PRDM6: variants seen among roughly 807,000 people sequenced by gnomAD.
PRDM6 encodes the protein putative histone-lysine N-methyltransferase PRDM6.
Under a neutral mutation model 60.8 loss-of-function variants are expected in PRDM6, and 25 were observed. The ratio of observed to expected loss-of-function variants is 0.41; its 90% CI spans 0.30 to 0.57. The LOEUF is 0.57. Ranked by LOEUF, PRDM6 falls within the 20% of genes least tolerant of loss-of-function variation. The pLI, the probability that PRDM6 is intolerant of heterozygous loss-of-function variation, is 0.27. For synonymous variants in PRDM6, 407 were observed against 357.4 expected, an observed-to-expected ratio of 1.14 and a Z score of -1.57; for missense variants, 839 against 821.3, an observed-to-expected ratio of 1.02 and a Z score of -0.26.
chr5:123,145,694 G>A lies in PRDM6; in HGVS notation c.901-10190G>A, dbSNP rs144902542. Among the ~76,000 whole-genome samples the A allele has an allele frequency of 2.2e-3, 330 of 151,952 alleles. 1 individual carries two copies. Among genetic ancestry groups the A allele is most frequent in the African/African-American group, 7.5e-3 (312 of 41,420 alleles). On this transcript the variant is annotated intron_variant, in intron 3 of 7. Transcript: ENST00000407847. ...AGTGCATGCTCAGCACTGTCCCAAC[G>A]TGACATAAGGAAATGTCTTCTCAAT... is the stretch of plus-strand genomic sequence containing the variant.
At chr5:123,090,915 C>T (rs1044344187) in intron 2 of PRDM6, among the ~76,000 whole-genome samples, 2 of 152,070 alleles carry the variant, frequency 1.3e-5, no homozygotes, top group Non-Finnish European at 2.9e-5. Context: ...GCCTAACAGA[C>T]CTCTGCCCTC....
rs191134557 is a variant in PRDM6, at chr5:123,189,463, C to G, written c.*2262C>G. 1 of 152,172 alleles carries G rather than the reference C, an allele frequency of 6.6e-6. No homozygotes were observed. Among genetic ancestry groups the G allele is most frequent in the East Asian group, 1.9e-4 (1 of 5,200 alleles). 9.4% of individuals were successfully genotyped at this position (152,172 alleles called of 1,614,324 possible). A position where few individuals can be genotyped will look rare whatever the true frequency, so the allele number is the denominator to read the frequency against. On this transcript the variant is annotated 3_prime_UTR_variant, in exon 8 of 8. Coordinates refer to ENST00000407847, the MANE Select transcript of PRDM6 (RefSeq NM_001136239.4). Reference sequence around the variant, plus strand: ...CGTGGGAGAATGAGAAGGCTTCCCTCCTCCCTTGATGTCTGGCATGGGAAG... The same window carrying G: ...CGTGGGAGAATGAGAAGGCTTCCCTGCTCCCTTGATGTCTGGCATGGGAAG...
At chr5:123,133,969 C>T (rs975351701) in intron 3 of PRDM6, among the ~76,000 whole-genome samples, 13 of 152,036 alleles carry the variant, frequency 8.6e-5, no homozygotes, top group African/African-American at 1.4e-4. Context: ...AAATGCCACA[C>T]GAACTTTTCA....
At chr5:123,174,045 T>C (rs1765952684) in intron 6 of PRDM6, among the ~76,000 whole-genome samples, 1 of 152,206 alleles carries the variant, frequency 6.6e-6, no homozygotes, top group Non-Finnish European at 1.5e-5. Flanking sequence ...ACAGGTTGAG[T>C]ATCCCTTGTC....
intron 3 of PRDM6, among the ~76,000 whole-genome samples, chr5:123,125,390 G>A (rs199511837): frequency 8.9e-5 from 3 of 33,596 alleles, no homozygotes; most frequent in Non-Finnish European, 1.7e-4. Context: ...AAGCATTGAA[G>A]TTAACAATGT....
chr5:123,133,418 T>C (rs1338620923), intron 3 of PRDM6, among the ~76,000 whole-genome samples: 1 of 151,894 alleles, frequency 6.6e-6, no homozygotes, highest in Non-Finnish European at 1.5e-5. Context: ...GAAGAAAACT[T>C]CTAGTAGCTT....
chr5:123,151,392 C>T (rs1765366159), intron 3 of PRDM6, among the ~76,000 whole-genome samples: 1 of 152,160 alleles, frequency 6.6e-6, no homozygotes, highest in Non-Finnish European at 1.5e-5. Flanking sequence ...ATTCAAGTTC[C>T]TTTTGTCTGA....
At chr5:123,151,458 A>G (rs1431823350) in intron 3 of PRDM6, among the ~76,000 whole-genome samples, 1 of 152,222 alleles carries the variant, frequency 6.6e-6, no homozygotes, top group Non-Finnish European at 1.5e-5. Context: ...GGAAGGCCTC[A>G]GCACACTCCC....
chr5:123,180,057 C>T (rs1766111349), intron 6 of PRDM6, 90 bp from the exon 7 acceptor site: 2 of 1,231,638 alleles, frequency 1.6e-6, no homozygotes, highest in Admixed American at 5.6e-5. Flanking sequence ...GAAAATGTCA[C>T]CAATAAGTTT....
intron 3 of PRDM6, among the ~76,000 whole-genome samples, chr5:123,135,296 A>G (rs1408845027): frequency 6.6e-6 from 1 of 152,246 alleles, no homozygotes; most frequent in Non-Finnish European, 1.5e-5. Flanking sequence ...AGGTTTAGAA[A>G]CCAGCAACTC....
chr5:123,159,378 A>T (rs1765576273), intron 4 of PRDM6, 136 bp from the exon 5 acceptor site: 4 of 923,612 alleles, frequency 4.3e-6, no homozygotes, highest in Non-Finnish European at 6.3e-6. Flanking sequence ...GGGGACAATC[A>T]GTTGGATGTA....
At chr5:123,163,314 T>C (rs1205500269) in intron 5 of PRDM6, among the ~76,000 whole-genome samples, 1 of 152,248 alleles carries the variant, frequency 6.6e-6, no homozygotes, top group Non-Finnish European at 1.5e-5. Context: ...GCACTTTCAC[T>C]TATAAAAATA....
At chr5:123,147,059 G>A (rs766727524) in intron 3 of PRDM6, among the ~76,000 whole-genome samples, 13 of 152,098 alleles carry the variant, frequency 8.5e-5, no homozygotes, top group Non-Finnish European at 1.6e-4. Flanking sequence ...ACGCGTGAAC[G>A]AATGTCTGTT....
intron 2 of PRDM6, among the ~76,000 whole-genome samples, chr5:123,097,656 G>A (rs1002247704): frequency 2.6e-5 from 4 of 152,104 alleles, no homozygotes; most frequent in Non-Finnish European, 4.4e-5. Context: ...AGCTTGAGAG[G>A]GTGTGTGAAG....
intron 3 of PRDM6, among the ~76,000 whole-genome samples, chr5:123,117,756 A>T (rs1380565443): frequency 8.2e-6 from 1 of 121,336 alleles, no homozygotes; most frequent in Non-Finnish European, 1.8e-5. Flanking sequence ...GATGAATGTG[A>T]AGGCCTAAAC....
At chr5:123,162,821 T>C (rs1765666501) in intron 5 of PRDM6, among the ~76,000 whole-genome samples, 1 of 152,186 alleles carries the variant, frequency 6.6e-6, no homozygotes, top group Non-Finnish European at 1.5e-5. Flanking sequence ...TTTGACTGCC[T>C]CTAAGATGGA....
intron 5 of PRDM6, 58 bp downstream of exon 5, chr5:123,159,696 T>A: frequency 1.3e-6 from 2 of 1,509,856 alleles, no homozygotes; most frequent in Non-Finnish European, 1.8e-6. Flanking sequence ...CAAAGCTAAC[T>A]TTTTAAGAGC....
intron 7 of PRDM6, among the ~76,000 whole-genome samples, chr5:123,182,971 G>A (rs1360221814): frequency 6.6e-6 from 1 of 152,134 alleles, no homozygotes; most frequent in Non-Finnish European, 1.5e-5. Context: ...TCTATCCCAA[G>A]GGAATTTTGG....
At chr5:123,134,773 T>A (rs1764915350) in intron 3 of PRDM6, among the ~76,000 whole-genome samples, 1 of 152,160 alleles carries the variant, frequency 6.6e-6, no homozygotes, top group Admixed American at 6.6e-5. Flanking sequence ...TCCCAGGAAT[T>A]AATTCTTTGA....
Sources: gnomAD v4.1 joint callset for allele counts (sites outside exome capture counted in the v4.1 genomes callset) on GRCh38, gnomAD v4.1.1 for gene constraint, MANE v1.5 for transcripts, NCBI Gene and HGNC (gene_info 2026-07-23, HGNC 2026-07-21) for gene names.